DAB1: variants seen among roughly 807,000 people sequenced by gnomAD.
The protein encoded by DAB1 is disabled homolog 1.
A neutral mutation model predicts 64.6 loss-of-function variants in DAB1; 15 were observed. That is an observed-to-expected ratio of 0.23 (90% CI 0.16 to 0.36). DAB1 has a LOEUF of 0.36. DAB1 is among the 10% of genes least tolerant of loss of function. The pLI, the probability that DAB1 is intolerant of heterozygous loss-of-function variation, is 1.00. For missense variants in DAB1, 596 were observed against 706.7 expected (o/e 0.84, Z 1.78); for synonymous variants, 235 against 251.9 (o/e 0.93, Z 0.64).
intron 4 of DAB1, among the ~76,000 whole-genome samples, chr1:58,225,718 A>G (rs1430075507): frequency 1.3e-5 from 2 of 150,060 alleles, no homozygotes; most frequent in East Asian, 4.0e-4. Context: ...AAGGACAAAA[A>G]ACCAAACACC....
At chr1:57,160,944 G>A (rs536864261) in intron 2 of DAB1, among the ~76,000 whole-genome samples, 71 of 152,156 alleles carry the variant, frequency 4.7e-4, no homozygotes, top group Non-Finnish European at 8.2e-4. Flanking sequence ...AAACTCCCAC[G>A]GGATAGTGGG....
In DAB1 at chr1:57,136,653, A is replaced by G; in HGVS notation, c.208-12T>C. 6.6e-7 allele frequency: 1 copy of G among 1,505,184 alleles called. No individual in the cohort carries two copies. Among genetic ancestry groups the G allele is most frequent in the South Asian group, 1.3e-5 (1 of 76,324 alleles). 93.2% of individuals were successfully genotyped at this position (1,505,184 alleles called of 1,614,324 possible). ...CCAGCAACAACGCCCTGTTGAAAGG[A>G]AGAACATGGTTTTTACTTAAGTGTT... On this transcript the variant is annotated splice_polypyrimidine_tract_variant and intron_variant, in intron 3 of 14. Coordinates refer to ENST00000371236, the MANE Select transcript of DAB1 (RefSeq NM_001365792.1).
chr1:57,128,130 AGAGT>A (rs1278874171), intron 4 of DAB1, among the ~76,000 whole-genome samples: 2 of 151,318 alleles, frequency 1.3e-5, no homozygotes, highest in Admixed American at 1.3e-4. Context: ...CTGGGAGATA[AGAGT>A]GAGAGTCTCA....
At chr1:57,749,470 T>C (rs369177091) in intron 6 of DAB1, among the ~76,000 whole-genome samples, 2 of 152,328 alleles carry the variant, frequency 1.3e-5, no homozygotes, top group African/African-American at 4.8e-5. Flanking sequence ...TTCCAGGTTC[T>C]TTTGAAGAGT....
chr1:57,551,590 G>A (rs956878612), intron 7 of DAB1, among the ~76,000 whole-genome samples: 2 of 152,108 alleles, frequency 1.3e-5, no homozygotes, highest in Admixed American at 1.3e-4. Context: ...TGGGAGAGGG[G>A]GTGGCGTTTG....
intron 6 of DAB1, among the ~76,000 whole-genome samples, chr1:57,668,771 A>T (rs1048544679): frequency 1.3e-5 from 2 of 152,146 alleles, no homozygotes; most frequent in Non-Finnish European, 2.9e-5. Flanking sequence ...CAACTTTAAA[A>T]TTTGATTTGA....
At chr1:57,165,003 G>A (rs1304765310) in intron 2 of DAB1, among the ~76,000 whole-genome samples, 1 of 152,142 alleles carries the variant, frequency 6.6e-6, no homozygotes, top group Non-Finnish European at 1.5e-5. Context: ...ACCACAGTTG[G>A]CTGCCCCAGG....
intron 7 of DAB1, among the ~76,000 whole-genome samples, chr1:57,627,163 A>T (rs76098299): frequency 0.02 from 2,978 of 152,260 alleles, 82 homozygotes; most frequent in African/African-American, 0.064. Context: ...GAGCCGGGAC[A>T]GCCATCTTCT....
intron 5 of DAB1, among the ~76,000 whole-genome samples, chr1:57,921,521 C>G (rs937353286): frequency 6.6e-6 from 1 of 152,134 alleles, no homozygotes; most frequent in Admixed American, 6.5e-5. Flanking sequence ...GCCCAGGCCA[C>G]AAGGCCAATC....
intron 7 of DAB1, among the ~76,000 whole-genome samples, chr1:57,515,697 A>T (rs1164165149): frequency 6.6e-6 from 1 of 152,226 alleles, no homozygotes; most frequent in Non-Finnish European, 1.5e-5. Flanking sequence ...GTTACCATTC[A>T]TTGCTCCTTT....
intron 7 of DAB1, among the ~76,000 whole-genome samples, chr1:57,569,813 C>T (rs988087903): frequency 6.6e-5 from 10 of 152,044 alleles, no homozygotes; most frequent in Non-Finnish European, 1.2e-4. Flanking sequence ...TAAGATTTAT[C>T]GATTTCACAT....
intron 1 of DAB1, among the ~76,000 whole-genome samples, chr1:57,309,548 C>A (rs1005653740): frequency 3.3e-5 from 5 of 152,080 alleles, no homozygotes; most frequent in African/African-American, 4.8e-5. Flanking sequence ...ACATAACTTA[C>A]CAAAACTCAA....
chr1:57,601,580 A>C (rs1558530635), intron 7 of DAB1, among the ~76,000 whole-genome samples: 1 of 152,088 alleles, frequency 6.6e-6, no homozygotes, highest in Non-Finnish European at 1.5e-5. Flanking sequence ...GCGACAGAGC[A>C]AGACTCCTTT....
chr1:57,654,031 T>C (rs1646287249), intron 6 of DAB1, among the ~76,000 whole-genome samples: 2 of 152,212 alleles, frequency 1.3e-5, no homozygotes, highest in African/African-American at 4.8e-5. Context: ...TTGATAGATA[T>C]AAAATATCTT....
intron 1 of DAB1, among the ~76,000 whole-genome samples, chr1:57,828,143 C>T (rs1652437904): frequency 6.6e-6 from 1 of 151,950 alleles, no homozygotes; most frequent in Non-Finnish European, 1.5e-5. Flanking sequence ...GACGGGGTTT[C>T]ACCATGTTAG....
At chr1:58,356,835 G>A (rs993152943) in intron 3 of DAB1, among the ~76,000 whole-genome samples, 1 of 151,960 alleles carries the variant, frequency 6.6e-6, no homozygotes. Flanking sequence ...AGTATGGGTG[G>A]GCAGCATAGG....
At chr1:57,537,486 A>G (rs1445073610) in intron 7 of DAB1, among the ~76,000 whole-genome samples, 3 of 152,136 alleles carry the variant, frequency 2.0e-5, no homozygotes, top group Admixed American at 6.5e-5. Context: ...TCGCCTGGAT[A>G]GTTTTGTTTT....
At chr1:58,032,223 A>G (rs925027325) in intron 5 of DAB1, among the ~76,000 whole-genome samples, 4 of 152,148 alleles carry the variant, frequency 2.6e-5, no homozygotes, top group African/African-American at 4.8e-5. Context: ...TTTGAGGAGC[A>G]CCAATCTAAA....
chr1:57,836,371 C>T (rs552006277), intron 1 of DAB1, among the ~76,000 whole-genome samples: 3 of 152,312 alleles, frequency 2.0e-5, no homozygotes, highest in African/African-American at 4.8e-5. Flanking sequence ...CAATATCTGG[C>T]ATGTCAAGTA....
Sources: gnomAD v4.1 joint callset for allele counts (sites outside exome capture counted in the v4.1 genomes callset) on GRCh38, gnomAD v4.1.1 for gene constraint, MANE v1.5 for transcripts, NCBI Gene and HGNC (gene_info 2026-07-23, HGNC 2026-07-21) for gene names.